The following PRH1 variants were observed in gnomAD, a reference collection of about 807,000 sequenced individuals.
The protein encoded by PRH1 is salivary acidic proline-rich phosphoprotein 1/2.
In PRH1, 7 loss-of-function variants were observed where a neutral mutation model predicts 7.9. That is an observed-to-expected ratio of 0.89 (90% confidence interval 0.50 to 1.67). The LOEUF is 1.67. PRH1 is among the 40% of genes most tolerant of loss of function. The pLI, the probability that PRH1 is intolerant of heterozygous loss-of-function variation, is 0.00. For synonymous variants in PRH1, 45 were observed against 80.8 expected (o/e 0.56, Z 2.38); for missense variants, 109 against 223.6 (o/e 0.49, Z 3.27).
intron 1 of PRH1, among the ~76,000 whole-genome samples, chr12:11,156,743 T>C (rs965415831): frequency 2.0e-5 from 3 of 152,162 alleles, no homozygotes; most frequent in Admixed American, 6.5e-5. Context: ...ATACTCATAA[T>C]ACCAAATTCT....
At chr12:10,940,982 A>G (rs372507484) in intron 2 of PRH1, among the ~76,000 whole-genome samples, 5 of 152,248 alleles carry the variant, frequency 3.3e-5, no homozygotes. Context: ...AAACTCAGCT[A>G]GCATGGACAA....
At chr12:11,071,629 C>G (rs1944074099) in intron 1 of PRH1, among the ~76,000 whole-genome samples, 1 of 152,194 alleles carries the variant, frequency 6.6e-6, no homozygotes, top group Admixed American at 6.5e-5. Flanking sequence ...ATGGTGTTGA[C>G]TCAAAGTTTT....
At chr12:11,136,646 AC>A in intron 1 of PRH1, among the ~76,000 whole-genome samples, 1 of 152,238 alleles carries the variant, frequency 6.6e-6, no homozygotes, top group South Asian at 2.1e-4. Flanking sequence ...ATTATTTTAT[AC>A]AGCAAACATT....
intron 1 of PRH1, among the ~76,000 whole-genome samples, chr12:11,042,099 TTAG>T (rs1942731044): frequency 6.6e-6 from 1 of 151,738 alleles, no homozygotes; most frequent in Non-Finnish European, 1.5e-5. Flanking sequence ...AAACCCAAAA[TTAG>T]TAGAACACAA....
At chr12:10,911,663 A>G (rs944164344) in intron 2 of PRH1, among the ~76,000 whole-genome samples, 2 of 152,204 alleles carry the variant, frequency 1.3e-5, no homozygotes, top group African/African-American at 4.8e-5. Flanking sequence ...TATTGTGCCT[A>G]TGAGAATTTG....
At chr12:11,063,752 C>T (rs1282193507) in intron 1 of PRH1, among the ~76,000 whole-genome samples, 2 of 151,832 alleles carry the variant, frequency 1.3e-5, no homozygotes, top group Admixed American at 6.6e-5. Flanking sequence ...CTTGTGAGGT[C>T]GATAATTAAG....
chr12:11,023,604 T>C (rs1203544678), intron 1 of PRH1, among the ~76,000 whole-genome samples: 1 of 152,196 alleles, frequency 6.6e-6, no homozygotes, highest in East Asian at 1.9e-4. Context: ...CAACAGGAAA[T>C]TAGTAGAATT....
At chr12:10,926,312 C>G (rs774508099) in intron 2 of PRH1, among the ~76,000 whole-genome samples, 2 of 152,222 alleles carry the variant, frequency 1.3e-5, no homozygotes, top group Non-Finnish European at 2.9e-5. Flanking sequence ...TTTATCCCCT[C>G]TGCCAATGTT....
intron 1 of PRH1, among the ~76,000 whole-genome samples, chr12:11,015,924 C>A (rs1407300315): frequency 6.6e-6 from 1 of 152,198 alleles, no homozygotes; most frequent in Admixed American, 6.5e-5. Flanking sequence ...ACTAGACATT[C>A]CCTGCAGGGC....
intron 1 of PRH1, among the ~76,000 whole-genome samples, chr12:11,084,600 G>A (rs916894660): frequency 2.7e-5 from 4 of 146,884 alleles, no homozygotes; most frequent in Admixed American, 6.9e-5. Context: ...TCCAAAATAA[G>A]TAACATCAGA....
At position 11,156,010 on chromosome 12, in the gene PRH1, A is replaced by T. The variant is rs185617253; in HGVS notation, n.39+15412T>A. On this transcript the variant is annotated intron_variant and non_coding_transcript_variant, in intron 1 of 1. Coordinates refer to the PRH1 transcript ENST00000541175. Reference sequence around the variant, plus strand: ...ATTACCTCTTTTAACACAAGATATTATTGTTCTATACAGTCAATAGTCCTT... The same window carrying T: ...ATTACCTCTTTTAACACAAGATATTTTTGTTCTATACAGTCAATAGTCCTT... Among the ~76,000 whole-genome samples, 238 of 152,284 alleles carry T rather than the reference A, an allele frequency of 1.6e-3. 2 individuals are homozygous for T. The highest frequency in any genetic ancestry group is 5.5e-3 in the African/African-American group (228 of 41,578).
chr12:11,109,164 C>T (rs2597953), intron 1 of PRH1, among the ~76,000 whole-genome samples: 113,355 of 152,082 alleles, frequency 0.75, 44,749 homozygotes, highest in East Asian at 0.96. Flanking sequence ...AGGCAGCAGC[C>T]CCAGTCAGGG....
intron 2 of PRH1, among the ~76,000 whole-genome samples, chr12:10,898,269 A>G (rs1418488671): frequency 6.6e-6 from 1 of 152,188 alleles, no homozygotes; most frequent in Non-Finnish European, 1.5e-5. Flanking sequence ...TTCAAAACCA[A>G]TGGAGATATA....
intron 1 of PRH1, among the ~76,000 whole-genome samples, chr12:11,040,593 G>A (rs985498017): frequency 2.0e-5 from 3 of 152,144 alleles, no homozygotes; most frequent in Non-Finnish European, 4.4e-5. Flanking sequence ...ATAGCATTAG[G>A]AGAAATACCT....
intron 2 of PRH1, among the ~76,000 whole-genome samples, chr12:10,969,311 G>C (rs1341859243): frequency 1.3e-5 from 2 of 152,066 alleles, no homozygotes; most frequent in African/African-American, 4.8e-5. Flanking sequence ...TACCGGTGGA[G>C]CCTGGGGTTT....
rs116692842 is a variant in PRH1 at position 11,110,512 on chromosome 12, C to T, written n.123+60910G>A. Among the ~76,000 whole-genome samples the T allele has an allele frequency of 5.5e-3, 829 of 151,124 alleles. 15 individuals are homozygous for T. Among genetic ancestry groups the T allele is most frequent in the African/African-American group, 0.019 (794 of 41,370 alleles). The stretch of plus-strand genomic sequence containing the variant: ...GCCGGAAGAGAGTGGGGACATTCTT[C>T]AAGAAAAGGATTTTCAACCCAGAAT... On this transcript the variant is annotated intron_variant and non_coding_transcript_variant, in intron 1 of 4. Coordinates refer to the PRH1 transcript ENST00000541977.
chr12:11,108,900 G>C (rs1417241946), intron 1 of PRH1, among the ~76,000 whole-genome samples: 1 of 152,190 alleles, frequency 6.6e-6, no homozygotes, highest in Non-Finnish European at 1.5e-5. Flanking sequence ...TTGGAGCCCA[G>C]CAAGCTAAGA....
chr12:11,151,920 C>T (rs1407297170), intron 1 of PRH1, among the ~76,000 whole-genome samples: 2 of 141,782 alleles, frequency 1.4e-5, no homozygotes, highest in Non-Finnish European at 3.1e-5. Context: ...CTGGAATCAG[C>T]ATTTCTTTGG....
intron 2 of PRH1, among the ~76,000 whole-genome samples, chr12:10,964,206 T>C (rs1174076090): frequency 1.3e-5 from 2 of 152,210 alleles, no homozygotes; most frequent in Non-Finnish European, 2.9e-5. Context: ...AAAATGATTA[T>C]GTTATTGCCA....
Sources: gnomAD v4.1 joint callset for allele counts (sites outside exome capture counted in the v4.1 genomes callset) on GRCh38, gnomAD v4.1.1 for gene constraint, MANE v1.5 for transcripts, NCBI Gene and HGNC (gene_info 2026-07-23, HGNC 2026-07-21) for gene names.